The following TRIM37 variants were observed in gnomAD, a reference collection of about 807,000 sequenced individuals.
The protein encoded by TRIM37 is tripartite motif containing 37, also known as E3 ubiquitin-protein ligase TRIM37.
TRIM37 carries 80 observed loss-of-function variants against 129.8 expected under a neutral mutation model. The observed-to-expected ratio is 0.62, with a 90% confidence interval of 0.51 to 0.74. TRIM37 has a LOEUF of 0.74. Among genes scored for constraint, TRIM37 ranks in the 30% least tolerant of loss-of-function variants. TRIM37 has a pLI of 0.00. For missense variants in TRIM37, 1,054 were observed against 1,176.5 expected, an observed-to-expected ratio of 0.90 and a Z score of 1.52; for synonymous variants, 389 against 387.1, an observed-to-expected ratio of 1.00 and a Z score of -0.06.
intron 19 of TRIM37, among the ~76,000 whole-genome samples, chr17:59,019,271 G>A (rs184967803): frequency 6.6e-6 from 1 of 152,244 alleles, no homozygotes. Context: ...ACTAATGAGT[G>A]GATAAACAGT....
chr17:59,095,755 G>C (rs1187617805), intron 2 of TRIM37, among the ~76,000 whole-genome samples: 2 of 152,168 alleles, frequency 1.3e-5, no homozygotes, highest in Non-Finnish European at 2.9e-5. Flanking sequence ...GTCTCACTCT[G>C]TCACTCAGGC....
At chr17:58,967,360 T>C in the TRIM37 span, among the ~76,000 whole-genome samples, 1 of 152,194 alleles carries the variant, frequency 6.6e-6, no homozygotes, top group Non-Finnish European at 1.5e-5. Flanking sequence ...GATATGCTCA[T>C]ATAAGATGCA....
chr17:59,045,847 T>C (rs2146025735), intron 16 of TRIM37, among the ~76,000 whole-genome samples: 1 of 151,220 alleles, frequency 6.6e-6, no homozygotes, highest in African/African-American at 2.4e-5. Flanking sequence ...AAACCCCGTC[T>C]CCACTAAAAA....
intron 22 of TRIM37, among the ~76,000 whole-genome samples, chr17:59,003,038 C>G (rs889018827): frequency 1.3e-5 from 2 of 152,130 alleles, no homozygotes; most frequent in East Asian, 1.9e-4. Flanking sequence ...TCACACCTGG[C>G]TAATTTTTGT....
the TRIM37 span, among the ~76,000 whole-genome samples, chr17:58,970,348 A>T: frequency 6.6e-6 from 1 of 152,190 alleles, no homozygotes; most frequent in African/African-American, 2.4e-5. Context: ...GTCTAAAAGT[A>T]AAAAAATTAA....
chr17:59,091,452 T>C (rs1264864978), intron 2 of TRIM37, 112 bp from the exon 3 acceptor site: 3 of 189,516 alleles, frequency 1.6e-5, no homozygotes, highest in African/African-American at 5.2e-5. Flanking sequence ...ATATATATAA[T>C]ATATAAATAT....
intron 3 of TRIM37, among the ~76,000 whole-genome samples, chr17:59,089,535 G>T (rs1424456088): frequency 6.6e-6 from 1 of 151,926 alleles, no homozygotes; most frequent in African/African-American, 2.4e-5. Context: ...CAGCTACTTG[G>T]GAGGATGAGG....
At chr17:59,091,097 A>T in intron 3 of TRIM37, among the ~76,000 whole-genome samples, 1 of 152,136 alleles carries the variant, frequency 6.6e-6, no homozygotes, top group East Asian at 1.9e-4. Flanking sequence ...TGAGAGGCAG[A>T]GTACAACATA....
At chr17:59,087,717 C>T (rs946856744) in intron 4 of TRIM37, among the ~76,000 whole-genome samples, 1 of 151,912 alleles carries the variant, frequency 6.6e-6, no homozygotes, top group Non-Finnish European at 1.5e-5. Context: ...AGTGACAAGG[C>T]TTTATTTCTA....
downstream of TRIM37, chr17:58,979,849 C>A: frequency 2.7e-6 from 2 of 732,094 alleles, no homozygotes; most frequent in South Asian, 4.2e-5. Context: ...TTTATAAATT[C>A]TTTCCAGTCA....
At chr17:59,023,881 T>C (rs1053319371) in intron 19 of TRIM37, among the ~76,000 whole-genome samples, 13 of 151,990 alleles carry the variant, frequency 8.6e-5, no homozygotes, top group African/African-American at 2.9e-4. Context: ...TATAAATACT[T>C]AGAAAATCAA....
At chr17:59,036,970 C>T (rs1376755260) in intron 17 of TRIM37, among the ~76,000 whole-genome samples, 4 of 151,766 alleles carry the variant, frequency 2.6e-5, no homozygotes, top group African/African-American at 9.7e-5. Context: ...AAAAAGTTAG[C>T]TTGGAATGGT....
chr17:59,058,515 C>T (rs1233719700), intron 12 of TRIM37, among the ~76,000 whole-genome samples: 2 of 151,838 alleles, frequency 1.3e-5, no homozygotes, highest in Admixed American at 6.6e-5. Context: ...AACCTTCATA[C>T]GTAACACCAA....
In TRIM37 at chr17:59,079,762, GT is replaced by G; in HGVS notation, c.607del (p.Thr203HisfsTer2). 4 of 1,613,966 alleles carry G rather than the reference GT, an allele frequency of 2.5e-6. No individual in the cohort carries two copies. The highest frequency in any genetic ancestry group is 3.4e-6 in the Non-Finnish European group (4 of 1,179,900). ...LDTQLKNKLI[T>X]LMGQKTSLTQ... is the part of the protein sequence containing the mutation. ...CATACATAAACACTTACCCATCAGTGTTATAAGCTTATTCTTCAGCTGTGTG... is the reference window on the plus strand; with the variant it reads ...CATACATAAACACTTACCCATCAGTGTATAAGCTTATTCTTCAGCTGTGTG... On this transcript the variant is annotated frameshift_variant, in exon 7 of 24. Coordinates refer to ENST00000262294, the MANE Select transcript of TRIM37 (RefSeq NM_015294.6). LOFTEE classifies it high-confidence loss of function.
rs2147123675 is a variant in TRIM37, at chr17:59,084,042, T to C, written c.329A>G (p.Lys110Arg). The change falls in exon 5 of 24, where the codon AAG becomes AGG. Residue 110 changes from lysine (K) to arginine (R), a missense_variant. By Grantham distance (26) the Lys-to-Arg change is conservative. Around this residue, in one of 3 missense-constraint regions of TRIM37, gnomAD observed 752 missense variants for 870.8 expected, o/e 0.86. Coordinates refer to ENST00000262294, the MANE Select transcript of TRIM37 (RefSeq NM_015294.6). Reference sequence around the variant, plus strand: ...TGCACACTGATGGCAGATACACTTCTTACAAGTCCAGCAAAATACACTAAG... The same window carrying C: ...TGCACACTGATGGCAGATACACTTCCTACAAGTCCAGCAAAATACACTAAG... ...EKLSVFCWTC[K>R]KCICHQCALW... is the part of the protein sequence containing the mutation. 1.9e-6 allele frequency: 3 copies of C among 1,613,884 alleles called. No individual in the cohort carries two copies. The highest frequency in any genetic ancestry group is 2.5e-6 in the Non-Finnish European group (3 of 1,179,930).
intron 2 of TRIM37, among the ~76,000 whole-genome samples, chr17:59,091,737 T>C (rs2044407050): frequency 6.7e-6 from 1 of 149,694 alleles, no homozygotes; most frequent in African/African-American, 2.5e-5. Flanking sequence ...ACAGGCAATC[T>C]ACTGTTTCCC....
At chr17:59,042,441 A>ATAT (rs1555661491) in intron 16 of TRIM37, among the ~76,000 whole-genome samples, 24 of 84,426 alleles carry the variant, frequency 2.8e-4, no homozygotes, top group African/African-American at 4.1e-4. Context: ...TAAAAAAAAA[A>ATAT]AAAAAAAAAT....
intron 22 of TRIM37, among the ~76,000 whole-genome samples, chr17:59,004,021 C>A (rs914345281): frequency 1.3e-5 from 2 of 151,600 alleles, no homozygotes; most frequent in Admixed American, 6.6e-5. Flanking sequence ...AGGAGGGAGG[C>A]CCACTTGAGC....
At chr17:58,977,653 T>C (rs1273448331), downstream of TRIM37, among the ~76,000 whole-genome samples, 3 of 152,226 alleles carry the variant, frequency 2.0e-5, no homozygotes, top group Admixed American at 6.5e-5. Context: ...AGATAGGGCA[T>C]GTGCCCACAT....
Sources: gnomAD v4.1 joint callset for allele counts (sites outside exome capture counted in the v4.1 genomes callset) on GRCh38, gnomAD v4.1.1 for gene constraint, gnomAD v4.1.1 regional missense constraint, MANE v1.5 for transcripts, NCBI Gene and HGNC (gene_info 2026-07-23, HGNC 2026-07-21) for gene names.